The following GALNTL6 variants were observed in gnomAD, a reference collection of about 807,000 sequenced individuals.
GALNTL6 encodes the protein polypeptide N-acetylgalactosaminyltransferase-like 6.
GALNTL6 carries 46 observed loss-of-function variants against 73.7 expected under a neutral mutation model. The observed-to-expected ratio is 0.62, with a 90% CI of 0.49 to 0.80. GALNTL6 has a LOEUF of 0.80. GALNTL6 is among the 30% of genes least tolerant of loss of function. GALNTL6 has a pLI of 0.00. For missense variants in GALNTL6, 604 were observed against 755.0 expected (o/e 0.80, Z 2.34); for synonymous variants, 259 against 263.7 (o/e 0.98, Z 0.17).
chr4:172,916,926 G>A (rs1046980047), intron 8 of GALNTL6, among the ~76,000 whole-genome samples: 5 of 152,170 alleles, frequency 3.3e-5, no homozygotes, highest in Non-Finnish European at 7.4e-5. Flanking sequence ...CCAAAAAAGA[G>A]CCCACATTGC....
At chr4:172,262,959 T>C (rs574564563) in intron 3 of GALNTL6, among the ~76,000 whole-genome samples, 1 of 151,742 alleles carries the variant, frequency 6.6e-6, no homozygotes, top group African/African-American at 2.4e-5. Flanking sequence ...CAATCCCTTC[T>C]GGCTCGTAAG....
At chr4:172,321,238 TG>T (rs1448787498) in intron 4 of GALNTL6, among the ~76,000 whole-genome samples, 3 of 152,048 alleles carry the variant, frequency 2.0e-5, no homozygotes, top group African/African-American at 7.2e-5. Context: ...CCCATGGATG[TG>T]GGGGTTGGGG....
chr4:172,419,864 G>A (rs114143325), intron 5 of GALNTL6, among the ~76,000 whole-genome samples: 330 of 152,192 alleles, frequency 2.2e-3, no homozygotes, highest in African/African-American at 7.6e-3. Flanking sequence ...TGCTTTCATT[G>A]CCTCTGGCTT....
chr4:172,553,843 G>A (rs895280210), intron 5 of GALNTL6, among the ~76,000 whole-genome samples: 2 of 151,998 alleles, frequency 1.3e-5, no homozygotes, highest in African/African-American at 4.8e-5. Context: ...GATCTCTTGA[G>A]GCCAGGAGTT....
intron 2 of GALNTL6, among the ~76,000 whole-genome samples, chr4:171,989,890 C>T (rs1056253220): frequency 3.9e-5 from 6 of 152,126 alleles, no homozygotes; most frequent in Admixed American, 2.0e-4. Flanking sequence ...AGAGCCTAAA[C>T]GCTATCTGAT....
intron 5 of GALNTL6, among the ~76,000 whole-genome samples, chr4:172,418,777 G>A (rs949382186): frequency 2.0e-5 from 3 of 152,086 alleles, no homozygotes; most frequent in African/African-American, 4.8e-5. Flanking sequence ...TGACAAAGGA[G>A]GAAGATTATA....
intron 7 of GALNTL6, among the ~76,000 whole-genome samples, chr4:172,862,745 A>G (rs1744460940): frequency 6.6e-6 from 1 of 152,164 alleles, no homozygotes; most frequent in African/African-American, 2.4e-5. Flanking sequence ...CTGGGGAGAA[A>G]TTCAAGCCAG....
At chr4:172,741,568 G>A (rs1354416360) in intron 5 of GALNTL6, among the ~76,000 whole-genome samples, 3 of 151,916 alleles carry the variant, frequency 2.0e-5, no homozygotes, top group African/African-American at 7.3e-5. Context: ...AATATATTTA[G>A]ATCCGAGAGA....
chr4:172,326,726 A>G (rs1056095476), intron 4 of GALNTL6, among the ~76,000 whole-genome samples: 2 of 151,788 alleles, frequency 1.3e-5, no homozygotes, highest in African/African-American at 4.8e-5. Context: ...TAGCTTCTCT[A>G]TTTGTATTAT....
intron 5 of GALNTL6, among the ~76,000 whole-genome samples, chr4:172,547,825 A>C (rs1735827572): frequency 6.6e-6 from 1 of 152,192 alleles, no homozygotes; most frequent in African/African-American, 2.4e-5. Context: ...TCAGTGTTTA[A>C]GCCAGCTGCC....
intron 2 of GALNTL6, among the ~76,000 whole-genome samples, chr4:172,185,459 G>T (rs958900831): frequency 1.3e-5 from 2 of 152,166 alleles, no homozygotes; most frequent in African/African-American, 2.4e-5. Flanking sequence ...CAGGTTGTTT[G>T]TATATCTTCT....
chr4:173,007,038 G>C (rs906461153), intron 10 of GALNTL6, among the ~76,000 whole-genome samples: 1 of 152,176 alleles, frequency 6.6e-6, no homozygotes, highest in Admixed American at 6.5e-5. Flanking sequence ...AAGGAGATTA[G>C]TACCCACCAC....
chr4:172,396,312 T>C (rs1333818848), intron 5 of GALNTL6, among the ~76,000 whole-genome samples: 1 of 32,866 alleles, frequency 3.0e-5, no homozygotes, highest in Non-Finnish European at 5.4e-5. Flanking sequence ...TTTTCTTTTT[T>C]TTTCTTTTTT....
chr4:172,153,852 C>G (rs952291696), intron 2 of GALNTL6, among the ~76,000 whole-genome samples: 2 of 152,196 alleles, frequency 1.3e-5, no homozygotes, highest in Non-Finnish European at 2.9e-5. Flanking sequence ...TCAAACAATG[C>G]TTGCAGACTC....
At chr4:172,641,009 T>C (rs1739948042) in intron 5 of GALNTL6, among the ~76,000 whole-genome samples, 2 of 152,096 alleles carry the variant, frequency 1.3e-5, no homozygotes, top group South Asian at 4.1e-4. Context: ...TTCGTGATCC[T>C]GGTCAAAAAA....
intron 5 of GALNTL6, among the ~76,000 whole-genome samples, chr4:172,420,012 T>C (rs966431010): frequency 6.6e-6 from 1 of 152,216 alleles, no homozygotes; most frequent in African/African-American, 2.4e-5. Context: ...TTAATTTTAA[T>C]ATGTCCTTGA....
chr4:172,596,515 T>G (rs192461838), intron 5 of GALNTL6, among the ~76,000 whole-genome samples: 3 of 152,002 alleles, frequency 2.0e-5, no homozygotes, highest in Admixed American at 6.6e-5. Flanking sequence ...AAAGAATGAT[T>G]TATTTTTCTA....
intron 7 of GALNTL6, among the ~76,000 whole-genome samples, chr4:172,868,119 T>C (rs1288620093): frequency 6.6e-6 from 1 of 152,214 alleles, no homozygotes; most frequent in African/African-American, 2.4e-5. Context: ...CTATTCTATT[T>C]ACAGCCAAAA....
intron 2 of GALNTL6, among the ~76,000 whole-genome samples, chr4:171,991,211 G>A (rs1740322648): frequency 6.6e-6 from 1 of 152,140 alleles, no homozygotes; most frequent in Non-Finnish European, 1.5e-5. Context: ...TTTAAGAAAA[G>A]ATGTGTAAGA....
Sources: allele counts gnomAD v4.1 joint callset (sites outside exome capture counted in the v4.1 genomes callset), GRCh38; gene constraint gnomAD v4.1.1; transcripts MANE v1.5; gene names NCBI Gene and HGNC (gene_info 2026-07-23, HGNC 2026-07-21).